Variants in TTC6 observed in about 807,000 individuals in gnomAD.
TTC6 encodes tetratricopeptide repeat protein 6.
A neutral mutation model predicts 210.4 loss-of-function variants in TTC6; 172 were observed. The ratio of observed to expected loss-of-function variants is 0.82; its 90% CI spans 0.72 to 0.93. TTC6 has a LOEUF of 0.93. Ranked by LOEUF, TTC6 falls within the 40% of genes least tolerant of loss-of-function variation. The probability of loss-of-function intolerance (pLI) is 0.00; values close to 1 mark genes in which losing one functional copy is unlikely to be tolerated. For missense variants in TTC6, 2,414 were observed against 2,318.1 expected, an observed-to-expected ratio of 1.04 and a Z score of -0.85; for synonymous variants, 804 against 819.6, an observed-to-expected ratio of 0.98 and a Z score of 0.32.
exon 10 of TTC6, chr14:37,738,961 C>T (rs992025560): frequency 6.5e-7 from 1 of 1,535,370 alleles, no homozygotes; most frequent in Non-Finnish European, 8.7e-7. Flanking sequence ...GTATAGATGA[C>T]ATCTTTGATA....
At chr14:37,708,983 T>C (rs2095840195) in intron 5 of TTC6, among the ~76,000 whole-genome samples, 1 of 152,102 alleles carries the variant, frequency 6.6e-6, no homozygotes, top group Admixed American at 6.6e-5. Flanking sequence ...TAGACCTTTC[T>C]AATTACAGTA....
intron 2 of TTC6, among the ~76,000 whole-genome samples, chr14:37,682,366 T>TCAC (rs1390495250): frequency 5.3e-5 from 8 of 152,034 alleles, no homozygotes; most frequent in Non-Finnish European, 1.0e-4. Context: ...GCTTGATGAC[T>TCAC]TGTGATATGG....
At chr14:37,760,235 C>T (rs1168401357) in intron 14 of TTC6, among the ~76,000 whole-genome samples, 1 of 151,960 alleles carries the variant, frequency 6.6e-6, no homozygotes, top group Non-Finnish European at 1.5e-5. Context: ...TGTTTGTTAG[C>T]TTTTCTTCTA....
intron 15 of TTC6, 66 bp downstream of exon 17, chr14:37,787,703 T>C (rs947951264): frequency 2.3e-6 from 3 of 1,288,678 alleles, no homozygotes; most frequent in Non-Finnish European, 2.0e-6. Flanking sequence ...AGTTTCATAG[T>C]GGTGAATGGT....
intron 1 of TTC6, among the ~76,000 whole-genome samples, chr14:37,663,759 G>T (rs1158784053): frequency 6.6e-6 from 1 of 152,026 alleles, no homozygotes; most frequent in Admixed American, 6.6e-5. Context: ...AAACCCTGTT[G>T]TCTCAGACCA....
intron 12 of TTC6, among the ~76,000 whole-genome samples, chr14:37,750,531 TAACCATA>T (rs1449094552): frequency 6.6e-6 from 1 of 152,200 alleles, no homozygotes; most frequent in Non-Finnish European, 1.5e-5. Context: ...AAAGTACCTT[TAACCATA>T]AATGAGCATT....
chr14:37,837,584 A>T (rs950107540), intron 29 of TTC6: 16 of 279,306 alleles, frequency 5.7e-5, no homozygotes, highest in Admixed American at 1.0e-4. Flanking sequence ...GAAAAACATG[A>T]TATATAAGTA....
chr14:37,700,221 C>T (rs2095822289), intron 4 of TTC6, among the ~76,000 whole-genome samples: 1 of 152,094 alleles, frequency 6.6e-6, no homozygotes, highest in Non-Finnish European at 1.5e-5. Flanking sequence ...CCAGAAGTCA[C>T]TAATAGGCAA....
intron 1 of TTC6, among the ~76,000 whole-genome samples, chr14:37,643,431 T>C (rs1274290695): frequency 6.6e-6 from 1 of 152,194 alleles, no homozygotes; most frequent in Non-Finnish European, 1.5e-5. Context: ...ATGGGGTGTG[T>C]CTATGGCCTT....
intron 6 of TTC6, among the ~76,000 whole-genome samples, chr14:37,717,082 G>A (rs74961206): frequency 0.014 from 2,071 of 151,968 alleles, 42 homozygotes; most frequent in African/African-American, 0.047. Context: ...GTGGGACATA[G>A]CTAAGCAGAA....
intron 1 of TTC6, among the ~76,000 whole-genome samples, chr14:37,665,362 T>C (rs1342765816): frequency 6.7e-6 from 1 of 149,394 alleles, no homozygotes; most frequent in Non-Finnish European, 1.5e-5. Context: ...ATGGATGGAG[T>C]TGAAAGCCTT....
chr14:37,827,453 T>G, intron 29 of TTC6, 87 bp downstream of exon 31: 2 of 1,299,242 alleles, frequency 1.5e-6, no homozygotes, highest in Non-Finnish European at 2.1e-6. Flanking sequence ...TCATACAATC[T>G]CAGGCTAATA....
upstream of TTC6, among the ~76,000 whole-genome samples, chr14:37,620,708 A>G (rs2095649765): frequency 6.6e-6 from 1 of 152,154 alleles, no homozygotes; most frequent in Non-Finnish European, 1.5e-5. Flanking sequence ...CCTCTTTACC[A>G]TTTTAAAGTG....
At chr14:37,599,427 T>C (rs2095610974) in intron 1 of TTC6, among the ~76,000 whole-genome samples, 1 of 152,226 alleles carries the variant, frequency 6.6e-6, no homozygotes, top group Non-Finnish European at 1.5e-5. Context: ...TGTGCTTGTG[T>C]CTGTGTGTCT....
intron 6 of TTC6, among the ~76,000 whole-genome samples, chr14:37,723,111 G>C (rs1269843776): frequency 6.6e-6 from 1 of 152,142 alleles, no homozygotes; most frequent in East Asian, 1.9e-4. Context: ...AACTCCTTCA[G>C]ATGGCTTCTA....
At chr14:37,624,062 C>T (rs2095656043) in intron 1 of TTC6, among the ~76,000 whole-genome samples, 1 of 152,174 alleles carries the variant, frequency 6.6e-6, no homozygotes, top group African/African-American at 2.4e-5. Context: ...TGCATTATGT[C>T]TTTAAAATTG....
At chr14:37,724,159 T>C (rs1241378960) in intron 6 of TTC6, among the ~76,000 whole-genome samples, 1 of 152,106 alleles carries the variant, frequency 6.6e-6, no homozygotes, top group Non-Finnish European at 1.5e-5. Context: ...TTTTTTAAAA[T>C]AAAAATTTAA....
intron 1 of TTC6, among the ~76,000 whole-genome samples, chr14:37,675,457 T>G (rs576045908): frequency 5.9e-5 from 9 of 152,298 alleles, no homozygotes; most frequent in Admixed American, 2.0e-4. Flanking sequence ...TACCAAATTT[T>G]GTTTATTCAT....
intron 5 of TTC6, among the ~76,000 whole-genome samples, chr14:37,704,993 G>T (rs1566900176): frequency 6.6e-6 from 1 of 151,924 alleles, no homozygotes; most frequent in East Asian, 1.9e-4. Flanking sequence ...GTCTATTTAT[G>T]GATTTCTGTT....
Sources: allele counts gnomAD v4.1 joint callset (sites outside exome capture counted in the v4.1 genomes callset), GRCh38; gene constraint gnomAD v4.1.1; transcripts MANE v1.5; gene names NCBI Gene and HGNC (gene_info 2026-07-23, HGNC 2026-07-21).